The following SH3GL2 variants were observed in gnomAD, a reference collection of about 807,000 sequenced individuals.
The protein encoded by SH3GL2 is SH3 domain containing GRB2 like 2, endophilin A1.
A neutral mutation model predicts 46.0 loss-of-function variants in SH3GL2; 24 were observed. That is an observed-to-expected ratio of 0.52 (90% CI 0.38 to 0.73). The LOEUF (loss-of-function observed/expected upper bound fraction) is 0.73, where lower values mean the gene tolerates loss of function less well. Among genes scored for constraint, SH3GL2 ranks in the 30% least tolerant of loss-of-function variants. SH3GL2 has a pLI of 0.00. For missense variants in SH3GL2, 413 were observed against 424.2 expected (o/e 0.97, Z 0.23); for synonymous variants, 196 against 147.1 (o/e 1.33, Z -2.40).
intron 1 of SH3GL2, among the ~76,000 whole-genome samples, chr9:17,621,986 T>A (rs1220335247): frequency 1.3e-5 from 2 of 152,202 alleles, no homozygotes; most frequent in African/African-American, 4.8e-5. Flanking sequence ...GTTTGTGTAA[T>A]GTTCTTTAGG....
At chr9:17,632,402 T>A (rs1455084819) in intron 1 of SH3GL2, among the ~76,000 whole-genome samples, 1 of 152,162 alleles carries the variant, frequency 6.6e-6, no homozygotes, top group Non-Finnish European at 1.5e-5. Context: ...GATTTTTGAT[T>A]TTTATTATGT....
intron 2 of SH3GL2, among the ~76,000 whole-genome samples, chr9:17,758,777 T>TG (rs1823083022): frequency 8.9e-6 from 1 of 112,590 alleles, no homozygotes; most frequent in Non-Finnish European, 1.9e-5. Context: ...ACTTGCTCTG[T>TG]AATGATGCCT....
chr9:17,579,934 A>G (rs1469980449), intron 1 of SH3GL2, among the ~76,000 whole-genome samples: 2 of 152,242 alleles, frequency 1.3e-5, no homozygotes, highest in Admixed American at 6.5e-5. Flanking sequence ...CGGGTCTTAA[A>G]TATTTCCCTA....
chr9:17,691,463 A>C (rs1821075299), intron 1 of SH3GL2, among the ~76,000 whole-genome samples: 1 of 152,046 alleles, frequency 6.6e-6, no homozygotes, highest in African/African-American at 2.4e-5. Context: ...TGCTAACCTT[A>C]ATTTTTTGGG....
chr9:17,703,297 A>G (rs1821382397), intron 1 of SH3GL2, among the ~76,000 whole-genome samples: 1 of 152,120 alleles, frequency 6.6e-6, no homozygotes. Flanking sequence ...TTTCATAAAA[A>G]TATTTAAGAT....
rs150462908 is a variant in SH3GL2 at position 17,614,263 on chromosome 9, T to C, written c.45+34976T>C. 5.8e-3 allele frequency among the ~76,000 whole-genome samples: 788 copies of C among 136,906 alleles called. 9 individuals are homozygous for C. The highest frequency in any genetic ancestry group is 0.021 in the African/African-American group (759 of 36,850). 89.8% of individuals were successfully genotyped at this position (136,906 alleles called of 152,430 possible). A position where few individuals can be genotyped will look rare whatever the true frequency, so the allele number is the denominator to read the frequency against. On this transcript the variant is annotated intron_variant, in intron 1 of 8. Coordinates refer to ENST00000380607, the MANE Select transcript of SH3GL2 (RefSeq NM_003026.5). Reference sequence around the variant, plus strand: ...TTGCCATTGTGCATATGTGTATTTGTGTGTGTGTGACAGGGAACATGCATG... The same window carrying C: ...TTGCCATTGTGCATATGTGTATTTGCGTGTGTGTGACAGGGAACATGCATG...
At chr9:17,737,908 C>T (rs1822389814) in intron 1 of SH3GL2, among the ~76,000 whole-genome samples, 1 of 152,078 alleles carries the variant, frequency 6.6e-6, no homozygotes, top group Non-Finnish European at 1.5e-5. Flanking sequence ...CTTCCCTAAT[C>T]CCATGTCTGT....
rs180924951 is a variant in SH3GL2 at position 17,670,852 on chromosome 9, G to T, written c.46-76214G>T. Among the ~76,000 whole-genome samples the T allele has an allele frequency of 1.7e-4, 26 of 152,258 alleles. No homozygotes were observed. The East Asian group carries it at 5.0e-3, about 29-fold the overall frequency. On this transcript the variant is annotated intron_variant, in intron 1 of 8. Transcript: ENST00000380607. ...GATTCTCAAATGTTAGTGGGTAACA[G>T]ATTCACCTGGAAGGCTTATTAAAGC...
intron 1 of SH3GL2, among the ~76,000 whole-genome samples, chr9:17,618,618 T>C (rs1010263831): frequency 2.0e-5 from 3 of 152,228 alleles, no homozygotes; most frequent in South Asian, 2.1e-4. Context: ...TTAATGCGCT[T>C]GACTGTAGGG....
intron 1 of SH3GL2, among the ~76,000 whole-genome samples, chr9:17,738,798 C>T (rs951192085): frequency 2.0e-5 from 3 of 151,876 alleles, no homozygotes; most frequent in Admixed American, 6.6e-5. Flanking sequence ...GGCAGAATTC[C>T]TTCTTCCTCA....
At chr9:17,683,432 C>G (rs919558202) in intron 1 of SH3GL2, among the ~76,000 whole-genome samples, 9 of 152,062 alleles carry the variant, frequency 5.9e-5, no homozygotes, top group Admixed American at 5.2e-4. Context: ...GCGGCAAACT[C>G]TAGGCTCAGG....
At chr9:17,725,469 C>G (rs927032545) in intron 1 of SH3GL2, among the ~76,000 whole-genome samples, 4 of 152,128 alleles carry the variant, frequency 2.6e-5, no homozygotes, top group African/African-American at 9.7e-5. Flanking sequence ...TGACAATGCT[C>G]TTAGGCGTGA....
chr9:17,603,546 CG>C (rs376312447), intron 1 of SH3GL2, among the ~76,000 whole-genome samples: 30 of 151,938 alleles, frequency 2.0e-4, no homozygotes, highest in African/African-American at 6.8e-4. Flanking sequence ...TAGAGATGGA[CG>C]GTGGTGATGG....
chr9:17,746,078 T>A (rs1822673455), intron 1 of SH3GL2, among the ~76,000 whole-genome samples: 1 of 152,184 alleles, frequency 6.6e-6, no homozygotes, highest in South Asian at 2.1e-4. Context: ...GTATCTAATT[T>A]TTTTATTTTA....
intron 1 of SH3GL2, among the ~76,000 whole-genome samples, chr9:17,635,118 C>T (rs1346666664): frequency 1.3e-5 from 2 of 152,088 alleles, no homozygotes; most frequent in East Asian, 3.9e-4. Flanking sequence ...GTTATTTTTC[C>T]TGGATCTTCT....
intron 7 of SH3GL2, 84 bp from the exon 8 acceptor site, chr9:17,793,283 C>A (rs776448726): frequency 3.2e-6 from 4 of 1,249,720 alleles, no homozygotes; most frequent in African/African-American, 1.5e-5. Flanking sequence ...GTGACCCAAG[C>A]ATTTCCTGAA....
At chr9:17,606,455 G>A (rs1184819703) in intron 1 of SH3GL2, among the ~76,000 whole-genome samples, 1 of 152,144 alleles carries the variant, frequency 6.6e-6, no homozygotes, top group African/African-American at 2.4e-5. Flanking sequence ...GCTGCAGCCT[G>A]GCTTGGGAAT....
intron 1 of SH3GL2, among the ~76,000 whole-genome samples, chr9:17,733,051 A>T (rs1822225683): frequency 1.3e-5 from 2 of 152,030 alleles, no homozygotes; most frequent in African/African-American, 2.4e-5. Flanking sequence ...TCTTCAGCAC[A>T]AGTGTGTACC....
chr9:17,732,580 C>G (rs1588283152), intron 1 of SH3GL2, among the ~76,000 whole-genome samples: 1 of 152,036 alleles, frequency 6.6e-6, no homozygotes, highest in Non-Finnish European at 1.5e-5. Context: ...TACTGTCTAA[C>G]AAGTGCTGAA....
Sources: gnomAD v4.1 joint callset for allele counts (sites outside exome capture counted in the v4.1 genomes callset) on GRCh38, gnomAD v4.1.1 for gene constraint, MANE v1.5 for transcripts, NCBI Gene and HGNC (gene_info 2026-07-23, HGNC 2026-07-21) for gene names.